MEOX2: variants seen among roughly 807,000 people sequenced by gnomAD.
The protein encoded by MEOX2 is homeobox protein MOX-2.
In MEOX2, 11 loss-of-function variants were observed where a neutral mutation model predicts 27.0. The observed-to-expected ratio is 0.41, with a 90% CI of 0.26 to 0.68. MEOX2 has a LOEUF of 0.68. MEOX2 is among the 30% of genes least tolerant of loss of function. MEOX2 has a pLI of 0.33. For missense variants in MEOX2, 436 were observed against 385.4 expected, an observed-to-expected ratio of 1.13 and a Z score of -1.10; for synonymous variants, 189 against 155.4, an observed-to-expected ratio of 1.22 and a Z score of -1.61.
intron 1 of MEOX2, among the ~76,000 whole-genome samples, chr7:15,674,185 A>C (rs1305081286): frequency 6.6e-6 from 1 of 152,184 alleles, no homozygotes; most frequent in Non-Finnish European, 1.5e-5. Flanking sequence ...TTTGTATTTT[A>C]AGTGTAGAAT....
At position 15,614,687 on chromosome 7, in the gene MEOX2, T is replaced by C. The variant is rs538092139; in HGVS notation, c.691-2076A>G. Reference sequence around the variant, plus strand: ...CTATAGTTTTGATAAAACCACATTATCTTATTAATTATAATTTTATAATAA... The same window carrying C: ...CTATAGTTTTGATAAAACCACATTACCTTATTAATTATAATTTTATAATAA... On this transcript the variant is annotated intron_variant, in intron 2 of 2. Transcript: ENST00000262041. Among the ~76,000 whole-genome samples the C allele has an allele frequency of 1.1e-3, 173 of 152,248 alleles. 1 individual carries two copies. The highest frequency in any genetic ancestry group is 4.0e-3 in the African/African-American group (165 of 41,566).
intron 1 of MEOX2, among the ~76,000 whole-genome samples, chr7:15,642,245 C>G (rs1469345650): frequency 2.6e-5 from 4 of 152,160 alleles, no homozygotes; most frequent in African/African-American, 9.7e-5. Flanking sequence ...CTCTGGAGAG[C>G]CTTCAAGTCA....
At chr7:15,615,209 A>G (rs1781103392) in intron 2 of MEOX2, among the ~76,000 whole-genome samples, 1 of 152,080 alleles carries the variant, frequency 6.6e-6, no homozygotes, top group Non-Finnish European at 1.5e-5. Context: ...ACAGTTTTCC[A>G]GATATTATTA....
chr7:15,651,552 A>G (rs1484299474), intron 1 of MEOX2, among the ~76,000 whole-genome samples: 1 of 152,006 alleles, frequency 6.6e-6, no homozygotes, highest in African/African-American at 2.4e-5. Flanking sequence ...CTAAGCACCT[A>G]CATTTATTTA....
chr7:15,686,244 G>A lies in MEOX2; in HGVS notation c.159C>T (p.Tyr53=), dbSNP rs1325072834. 1 of 1,612,642 alleles carries A rather than the reference G, an allele frequency of 6.2e-7. No individual in the cohort carries two copies. Among genetic ancestry groups the A allele is most frequent in the Non-Finnish European group, 8.5e-7 (1 of 1,179,458 alleles). ...TGGCAAACATGCCCTCTTCGTTGGG[G>A]TATCCCGCGATTATGCAAGATGAGG... ...TSSSSCIIAG[Y]PNEEGMFASQ... Residue 53 remains tyrosine (Y), a synonymous_variant, in exon 1 of 3, where the codon TAC becomes TAT. Transcript: ENST00000262041.
chr7:15,612,429 G>T lies in MEOX2; in HGVS notation c.873C>A (p.Asp291Glu). 6.2e-7 allele frequency: 1 copy of T among 1,614,184 alleles called. No homozygotes were observed. The highest frequency in any genetic ancestry group is 8.5e-7 in the Non-Finnish European group (1 of 1,180,030). ...QQTGDSIANE[D>E]SHDSDHSSEH... Reference sequence around the variant, plus strand: ...CTGAGCTGTGGTCACTGTCGTGACTGTCTTCATTTGCTATAGAGTCCCCTG... The same window carrying T: ...CTGAGCTGTGGTCACTGTCGTGACTTTCTTCATTTGCTATAGAGTCCCCTG... Residue 291 changes from aspartate (D) to glutamate (E), a missense_variant, in exon 3 of 3, where the codon GAC (aspartate) becomes GAA (glutamate). Physicochemically the swap from Asp to Glu is conservative, Grantham distance 45. Transcript: ENST00000262041.
At chr7:15,647,153 A>G (rs1035880206) in intron 1 of MEOX2, among the ~76,000 whole-genome samples, 1 of 152,068 alleles carries the variant, frequency 6.6e-6, no homozygotes, top group Admixed American at 6.6e-5. Flanking sequence ...AGCTAAGTAC[A>G]TTTGTTTTTG....
intron 1 of MEOX2, among the ~76,000 whole-genome samples, chr7:15,638,392 A>G (rs1372403213): frequency 6.6e-6 from 1 of 152,164 alleles, no homozygotes; most frequent in Non-Finnish European, 1.5e-5. Context: ...ATATATTTAC[A>G]GTTAACACAC....
At chr7:15,647,169 T>C (rs1257652756) in intron 1 of MEOX2, among the ~76,000 whole-genome samples, 1 of 152,066 alleles carries the variant, frequency 6.6e-6, no homozygotes, top group Non-Finnish European at 1.5e-5. Flanking sequence ...TTTTGATAGA[T>C]ATCATGCCTT....
intron 1 of MEOX2, among the ~76,000 whole-genome samples, chr7:15,669,801 C>T (rs1357097514): frequency 1.3e-5 from 2 of 152,168 alleles, no homozygotes; most frequent in Non-Finnish European, 2.9e-5. Flanking sequence ...ACCTGACTTG[C>T]GATTCTGGAA....
intron 2 of MEOX2, among the ~76,000 whole-genome samples, chr7:15,623,767 A>G (rs1307946255): frequency 6.6e-6 from 1 of 152,250 alleles, no homozygotes; most frequent in Non-Finnish European, 1.5e-5. Context: ...AAATGGTGCA[A>G]CCAGAAACAT....
At chr7:15,658,100 G>T (rs1375167057) in intron 1 of MEOX2, among the ~76,000 whole-genome samples, 1 of 152,218 alleles carries the variant, frequency 6.6e-6, no homozygotes, top group African/African-American at 2.4e-5. Context: ...AGGTGGAGTC[G>T]TCCTCGTTAA....
chr7:15,651,498 T>C (rs1781732032), intron 1 of MEOX2, among the ~76,000 whole-genome samples: 1 of 152,004 alleles, frequency 6.6e-6, no homozygotes, highest in Admixed American at 6.6e-5. Context: ...ATTGACATAA[T>C]AATATCTAAC....
chr7:15,636,412 T>C (rs1224394857), intron 1 of MEOX2, among the ~76,000 whole-genome samples: 3 of 152,146 alleles, frequency 2.0e-5, no homozygotes, highest in South Asian at 2.1e-4. Flanking sequence ...ATAAAACTTA[T>C]TATAAAATAC....
At chr7:15,616,333 T>A (rs1781123171) in intron 2 of MEOX2, among the ~76,000 whole-genome samples, 1 of 151,876 alleles carries the variant, frequency 6.6e-6, no homozygotes, top group Admixed American at 6.6e-5. Context: ...AAAGTCAATA[T>A]GTTCAGATTT....
At chr7:15,644,788 G>C (rs1466665688) in intron 1 of MEOX2, among the ~76,000 whole-genome samples, 1 of 152,158 alleles carries the variant, frequency 6.6e-6, no homozygotes, top group Non-Finnish European at 1.5e-5. Flanking sequence ...GTGCTGGTAG[G>C]AGGGAAGAAA....
chr7:15,612,839 T>A (rs1781054355), intron 2 of MEOX2, among the ~76,000 whole-genome samples: 1 of 152,226 alleles, frequency 6.6e-6, no homozygotes, highest in African/African-American at 2.4e-5. Flanking sequence ...TATTTGTATT[T>A]TACAGCATAC....
chr7:15,655,279 A>T (rs988330764), intron 1 of MEOX2, among the ~76,000 whole-genome samples: 4 of 151,650 alleles, frequency 2.6e-5, no homozygotes, highest in African/African-American at 9.7e-5. Context: ...GTTTTTCATT[A>T]TCTGTCTTCC....
chr7:15,676,144 G>T (rs1782188409), intron 1 of MEOX2: 1 of 152,162 alleles, frequency 6.6e-6, no homozygotes, highest in Non-Finnish European at 1.5e-5. Context: ...AACCACCCAG[G>T]ACTTGCAATT....
Sources: allele counts gnomAD v4.1 joint callset (sites outside exome capture counted in the v4.1 genomes callset), GRCh38; gene constraint gnomAD v4.1.1; transcripts MANE v1.5; gene names NCBI Gene and HGNC (gene_info 2026-07-23, HGNC 2026-07-21).